Variants in TNIP2 observed in about 807,000 individuals in gnomAD.
TNIP2 encodes the protein TNFAIP3-interacting protein 2.
TNIP2 carries 30 observed loss-of-function variants against 43.7 expected under a neutral mutation model. The ratio of observed to expected loss-of-function variants is 0.69; its 90% CI spans 0.51 to 0.93. TNIP2 has a LOEUF of 0.93. TNIP2 is among the 40% of genes least tolerant of loss of function. The pLI is 0.00. For missense variants in TNIP2, 599 were observed against 591.0 expected, an observed-to-expected ratio of 1.01 and a Z score of -0.14; for synonymous variants, 260 against 254.6, an observed-to-expected ratio of 1.02 and a Z score of -0.20.
Position 2,744,510 on chromosome 4 carries a change from AAG to A in TNIP2, c.907-6_907-5del, listed in dbSNP as rs985381207. Reference sequence around the variant, plus strand: ...AGTCATCCTTGTAAGCGAGAATCTGAAGAGAGGCGAGACACACATTTCTGCTC... The same window carrying A: ...AGTCATCCTTGTAAGCGAGAATCTGAAGAGGCGAGACACACATTTCTGCTC... On this transcript the variant is annotated splice_region_variant and splice_polypyrimidine_tract_variant and intron_variant, in intron 4 of 5. Transcript: ENST00000315423. This position sits in a 1 kb window ranked among gnomAD's most constrained non-coding sequence, Gnocchi z 5.1. 5.6e-6 allele frequency: 9 copies of A among 1,614,096 alleles called. No individual in the cohort carries two copies. The highest frequency in any genetic ancestry group is 7.6e-6 in the Non-Finnish European group (9 of 1,180,006).
Position 2,742,458 on chromosome 4 carries a change from G to C in TNIP2, c.1089C>G (p.Ala363=), listed in dbSNP as rs745785437. The C allele has an allele frequency of 1.6e-5, 25 of 1,610,084 alleles. No individual in the cohort carries two copies. The South Asian group carries it at 2.8e-4, about 18-fold the overall frequency. ...GCACCATAAGCTCTAATGCGTCGGCGGCCAAATACTTGGCAGTTTTGCTCC... is the reference window on the plus strand; with the variant it reads ...GCACCATAAGCTCTAATGCGTCGGCCGCCAAATACTTGGCAGTTTTGCTCC... The part of the protein sequence containing the change: ...HAGSKTAKYL[A]ADALELMVPG... Residue 363 remains alanine (A), a synonymous_variant, in exon 6 of 6, where the codon GCC becomes GCG. Coordinates refer to ENST00000315423, the MANE Select transcript of TNIP2 (RefSeq NM_024309.4).
intron 1 of TNIP2, among the ~76,000 whole-genome samples, chr4:2,753,333 G>A (rs1054498624): frequency 1.3e-5 from 2 of 152,128 alleles, no homozygotes; most frequent in Non-Finnish European, 1.5e-5. Context: ...CCAGCTATAT[G>A]GGAGGCTGAG....
rs1485487459 is a variant in TNIP2 at position 2,744,581 on chromosome 4, G to A, written c.907-75C>T. On this transcript the variant is annotated intron_variant, in intron 4 of 5. Transcript: ENST00000315423. The surrounding 1 kb of genome is among the most constrained non-coding windows in gnomAD (Gnocchi z 5.1). ...CCACCAGGCTTCTCCCACCCCCACA[G>A]TGACCACTGCCCACTCAGTGCCACC... is the stretch of plus-strand genomic sequence containing the variant. The A allele has an allele frequency of 2.3e-5, 36 of 1,568,948 alleles. No individual in the cohort carries two copies. Among genetic ancestry groups the A allele is most frequent in the South Asian group, 7.8e-5 (7 of 89,702 alleles).
chr4:2,743,116 T>C (rs961145839), intron 5 of TNIP2, among the ~76,000 whole-genome samples: 1 of 152,178 alleles, frequency 6.6e-6, no homozygotes, highest in African/African-American at 2.4e-5. Context: ...GCCTTGGTGC[T>C]TCCACTTCCT....
At chr4:2,755,078 A>T (rs1722194591) in intron 1 of TNIP2, among the ~76,000 whole-genome samples, 1 of 152,058 alleles carries the variant, frequency 6.6e-6, no homozygotes, top group Admixed American at 6.5e-5. Flanking sequence ...CTCCCAGCAT[A>T]GAGTTGAAGC....
intron 1 of TNIP2, among the ~76,000 whole-genome samples, chr4:2,753,798 T>C (rs1435369124): frequency 1.3e-5 from 2 of 152,212 alleles, no homozygotes; most frequent in African/African-American, 4.8e-5. Context: ...AGGTGACCTC[T>C]AAACTTCCCT....
chr4:2,756,104 G>C lies in TNIP2; in HGVS notation c.186C>G (p.Ser62=). 2 of 1,495,502 alleles carry C rather than the reference G, an allele frequency of 1.3e-6. No individual in the cohort carries two copies. The highest frequency in any genetic ancestry group is 1.8e-6 in the Non-Finnish European group (2 of 1,132,936). The allele number at this position is 1,495,502 out of a possible 1,614,324, so 92.6% of individuals were successfully genotyped here. ...LAALEGDAAP[S]LVDALLEQVA... ...CCTGCTCCAGCAGCGCGTCCACTAG[G>C]GACGGCGCGGCGTCCCCCTCCAGCG... is the stretch of plus-strand genomic sequence containing the variant. Residue 62 remains serine, a synonymous_variant, in exon 1 of 6, where the codon TCC becomes TCG. Transcript: ENST00000315423.
At chr4:2,748,794 ATT>A (rs59776048) in intron 1 of TNIP2, among the ~76,000 whole-genome samples, 47,478 of 140,604 alleles carry the variant, frequency 0.34, 9,024 homozygotes, top group Admixed American at 0.53. Context: ...GCGCCCAGCA[ATT>A]TTTTTTTTTT....
In TNIP2 at chr4:2,744,623, C is replaced by T; in HGVS notation, c.906+74G>A. The T allele has an allele frequency of 5.7e-6, 9 of 1,588,754 alleles. No homozygotes were observed. The highest frequency in any genetic ancestry group is 7.7e-6 in the Non-Finnish European group (9 of 1,170,076). The stretch of plus-strand genomic sequence containing the variant: ...AGTGCCACCAAGCCTTCAGCCCAGC[C>T]TGTCCCATGATTTCGGCCACCACCG... On this transcript the variant is annotated intron_variant, in intron 4 of 5. Coordinates refer to ENST00000315423, the MANE Select transcript of TNIP2 (RefSeq NM_024309.4). This position sits in a 1 kb window ranked among gnomAD's most constrained non-coding sequence, Gnocchi z 5.1.
intron 2 of TNIP2, 21 bp from the exon 3 acceptor site, chr4:2,745,556 G>C (rs1165481170): frequency 6.4e-7 from 1 of 1,572,598 alleles, no homozygotes; most frequent in Non-Finnish European, 8.7e-7. Flanking sequence ...AAGGGACAGA[G>C]AGAAGACACT....
At chr4:2,748,821 G>A (rs1178132665) in intron 1 of TNIP2, among the ~76,000 whole-genome samples, 2 of 148,302 alleles carry the variant, frequency 1.3e-5, no homozygotes, top group South Asian at 2.1e-4. Context: ...TTTGAGGCAG[G>A]GTCTCACTGT....
intron 1 of TNIP2, among the ~76,000 whole-genome samples, chr4:2,754,575 C>G (rs1418587339): frequency 6.6e-6 from 1 of 152,176 alleles, no homozygotes; most frequent in African/African-American, 2.4e-5. Flanking sequence ...CGCCACCACG[C>G]CCAGCTAATT....
Position 2,745,436 on chromosome 4 carries a change from A to G in TNIP2, c.657+10T>C, listed in dbSNP as rs1190539019. 6 of 1,597,554 alleles carry G rather than the reference A, an allele frequency of 3.8e-6. No individual in the cohort carries two copies. The Admixed American group carries it at 6.7e-5, about 18-fold the overall frequency. On this transcript the variant is annotated intron_variant, in intron 3 of 5. Coordinates refer to ENST00000315423, the MANE Select transcript of TNIP2 (RefSeq NM_024309.4). ...GTGTTCTTCTCAAACGAAATGTGAA[A>G]GACACTCACGTGAGTCACCTTCTGT... is the stretch of plus-strand genomic sequence containing the variant.
Position 2,745,650 on chromosome 4 carries a change from A to G in TNIP2, c.568-115T>C, listed in dbSNP as rs1465063507. The G allele has an allele frequency of 1.2e-5, 9 of 723,078 alleles. No homozygotes were observed. In the East Asian group the frequency reaches 2.4e-4, roughly 19 times the overall value. The allele number at this position is 723,078 out of a possible 1,614,324, so 44.8% of individuals were successfully genotyped here. A position where few individuals can be genotyped will look rare whatever the true frequency, so the allele number is the denominator to read the frequency against. ...CACTGCGTCCCCCAGTGCAGCGGGT[A>G]GTGATCATTCATTTGGTAGAGAAGC... is the stretch of plus-strand genomic sequence containing the variant. On this transcript the variant is annotated intron_variant, in intron 2 of 5. Transcript: ENST00000315423.
chr4:2,749,505 G>C (rs1367328282), intron 1 of TNIP2, among the ~76,000 whole-genome samples: 1 of 152,184 alleles, frequency 6.6e-6, no homozygotes, highest in Non-Finnish European at 1.5e-5. Flanking sequence ...AGTCTGGACA[G>C]ACACACAGAG....
intron 2 of TNIP2, among the ~76,000 whole-genome samples, chr4:2,746,707 C>T (rs1175465631): frequency 6.6e-6 from 1 of 152,236 alleles, no homozygotes; most frequent in Non-Finnish European, 1.5e-5. Context: ...CAGAGAACTG[C>T]CTAGAAAGGA....
At chr4:2,747,990 C>G (rs767435643) in intron 1 of TNIP2, 45 bp from the exon 2 acceptor site, 4 of 1,587,420 alleles carry the variant, frequency 2.5e-6, no homozygotes, top group African/African-American at 2.7e-5. Context: ...TTAAAAGAAG[C>G]AGTGTCAAGA....
At chr4:2,747,446 T>G in intron 2 of TNIP2, 1 of 589,944 alleles carries the variant, frequency 1.7e-6, no homozygotes, top group Non-Finnish European at 3.0e-6. Context: ...GGCAGTGAGG[T>G]GGCTGCCTGC....
intron 2 of TNIP2, among the ~76,000 whole-genome samples, chr4:2,747,094 C>G (rs1055978227): frequency 1.3e-5 from 2 of 152,250 alleles, no homozygotes; most frequent in Admixed American, 6.5e-5. Context: ...TGAGCCAGGT[C>G]TCCAAGCTTG....
Sources: gnomAD v4.1 joint callset for allele counts (sites outside exome capture counted in the v4.1 genomes callset) on GRCh38, gnomAD v4.1.1 for gene constraint, Gnocchi (gnomAD v3.1) non-coding constraint, MANE v1.5 for transcripts, NCBI Gene and HGNC (gene_info 2026-07-23, HGNC 2026-07-21) for gene names.